TEAD4: variants seen among roughly 807,000 people sequenced by gnomAD.
TEAD4 encodes the protein TEA domain transcription factor 4.
Under a neutral mutation model 52.4 loss-of-function variants are expected in TEAD4, and 36 were observed. That is an observed-to-expected ratio of 0.69 (90% CI 0.53 to 0.91). The LOEUF (loss-of-function observed/expected upper bound fraction) is 0.91, where lower values mean the gene tolerates loss of function less well. Among genes scored for constraint, TEAD4 ranks in the 40% least tolerant of loss-of-function variants. The pLI, the probability that TEAD4 is intolerant of heterozygous loss-of-function variation, is 0.00. For missense variants in TEAD4, 508 were observed against 583.9 expected (o/e 0.87, Z 1.34); for synonymous variants, 220 against 231.0 (o/e 0.95, Z 0.43).
At chr12:3,025,069 C>T (rs577504012) in intron 10 of TEAD4, among the ~76,000 whole-genome samples, 7 of 151,980 alleles carry the variant, frequency 4.6e-5, no homozygotes, top group Non-Finnish European at 7.4e-5. Flanking sequence ...CTCAGCCTCC[C>T]GAGTAGCTGG....
chr12:3,001,824 C>G (rs1461778826), intron 3 of TEAD4, among the ~76,000 whole-genome samples: 1 of 149,764 alleles, frequency 6.7e-6, no homozygotes, highest in Non-Finnish European at 1.5e-5. Flanking sequence ...GCTCATGTGG[C>G]TTATGCCTGT....
intron 2 of TEAD4, among the ~76,000 whole-genome samples, chr12:2,978,602 C>G (rs900291713): frequency 2.6e-5 from 4 of 152,060 alleles, no homozygotes; most frequent in Admixed American, 2.6e-4. Flanking sequence ...ACAGGTTTCA[C>G]CATGTTGGCC....
chr12:2,962,327 A>AAATATAT (rs1565518203), intron 2 of TEAD4, among the ~76,000 whole-genome samples: 12 of 112,748 alleles, frequency 1.1e-4, no homozygotes, highest in African/African-American at 5.1e-4. Context: ...TATATATATA[A>AAATATAT]ATATAAATAT....
intron 3 of TEAD4, among the ~76,000 whole-genome samples, chr12:3,008,993 G>C (rs1399956726): frequency 6.6e-6 from 1 of 152,156 alleles, no homozygotes; most frequent in Admixed American, 6.5e-5. Flanking sequence ...TTACTTACTT[G>C]GGCCTAGAGC....
intron 3 of TEAD4, among the ~76,000 whole-genome samples, chr12:3,010,715 G>A (rs2098259611): frequency 6.6e-6 from 1 of 152,188 alleles, no homozygotes; most frequent in African/African-American, 2.4e-5. Context: ...CGGTACCGGG[G>A]GTCAAGGGAG....
At chr12:2,993,194 G>A (rs559782759) in intron 2 of TEAD4, among the ~76,000 whole-genome samples, 4 of 152,234 alleles carry the variant, frequency 2.6e-5, no homozygotes, top group East Asian at 3.9e-4. Flanking sequence ...ACAATGCTGC[G>A]CAGCAGGTCT....
rs113820244 is a variant in TEAD4 at position 3,018,999 on chromosome 12, G to A, written c.528-116G>A. On this transcript the variant is annotated intron_variant, in intron 7 of 12. Coordinates refer to ENST00000359864, the MANE Select transcript of TEAD4 (RefSeq NM_003213.4). ...CGGGAGTAGGAGGCCAAGGCCCATCGGGACCACTGAAATCCAGACCACCAG... is the reference window on the plus strand; with the variant it reads ...CGGGAGTAGGAGGCCAAGGCCCATCAGGACCACTGAAATCCAGACCACCAG... 3.1e-3 allele frequency: 4,118 copies of A among 1,317,806 alleles called. 90 individuals are homozygous for A. The African/African-American group carries it at 0.051, about 16-fold the overall frequency. 81.6% of individuals were successfully genotyped at this position (1,317,806 alleles called of 1,614,324 possible).
chr12:3,009,995 A>G (rs919535535), intron 3 of TEAD4, among the ~76,000 whole-genome samples: 6 of 152,216 alleles, frequency 3.9e-5, no homozygotes, highest in Non-Finnish European at 8.8e-5. Context: ...TCCCACGGAC[A>G]GCCGCAAGCC....
In TEAD4 at chr12:3,038,024, C is replaced by T. The variant is rs767728220; in HGVS notation, c.954C>T (p.Ser318=). 5.6e-6 allele frequency: 9 copies of T among 1,613,994 alleles called. No homozygotes were observed. The Admixed American group carries it at 6.7e-5, about 12-fold the overall frequency. ...GCAGCTCCTTCTATGGGGTCTCCAG[C>T]CAGTATGAGAGCCCCGAGAACATGA... Residue 318 remains serine, a synonymous_variant, in exon 11 of 13, where the codon AGC becomes AGT. Transcript: ENST00000359864.
In TEAD4 at chr12:2,994,353, G is replaced by A. The variant is rs962756255; in HGVS notation, c.-29-385G>A. Among the ~76,000 whole-genome samples, 2 of 152,216 alleles carry A rather than the reference G, an allele frequency of 1.3e-5. No homozygotes were observed. The highest frequency in any genetic ancestry group is 4.8e-5 in the African/African-American group (2 of 41,460). ...AGCCTCCCAGAGTGCTGGGATTACA[G>A]GCGTGAGCCACAGCGCCCGGCCTGT... On this transcript the variant is annotated intron_variant, in intron 2 of 12. Transcript: ENST00000359864. This position sits in a 1 kb window ranked among gnomAD's most constrained non-coding sequence, Gnocchi z 4.7.
At chr12:3,034,962 G>A (rs1035087853) in intron 10 of TEAD4, among the ~76,000 whole-genome samples, 2 of 151,860 alleles carry the variant, frequency 1.3e-5, no homozygotes, top group East Asian at 1.9e-4. Flanking sequence ...CTAGCCGAGC[G>A]TGGTGGTGGG....
chr12:2,999,076 T>G (rs2098249565), intron 3 of TEAD4, among the ~76,000 whole-genome samples: 1 of 152,154 alleles, frequency 6.6e-6, no homozygotes, highest in Non-Finnish European at 1.5e-5. Context: ...GAGCTATAGA[T>G]AGCTCTGAGC....
intron 9 of TEAD4, 28 bp from the exon 10 acceptor site, chr12:3,021,816 G>A (rs764627696): frequency 2.2e-5 from 35 of 1,608,208 alleles, no homozygotes; most frequent in East Asian, 1.8e-4. Flanking sequence ...CCTGTGCTCC[G>A]TCTCCCTCAG....
chr12:3,040,223 G>T lies in TEAD4; in HGVS notation c.1155G>T (p.Met385Ile). 6.2e-7 allele frequency: 1 copy of T among 1,614,258 alleles called. No homozygotes were observed. Among genetic ancestry groups the T allele is most frequent in the Non-Finnish European group, 8.5e-7 (1 of 1,180,050 alleles). ...TCAAGCACCTCCCTGAGAAGTACATGATGAACAGCGTGCTGGAGAACTTCA... is the reference window on the plus strand; with the variant it reads ...TCAAGCACCTCCCTGAGAAGTACATTATGAACAGCGTGCTGGAGAACTTCA... The change falls in exon 12 of 13, where the codon ATG (methionine) becomes ATT (isoleucine). Residue 385 changes from methionine to isoleucine, a missense_variant. Coordinates refer to ENST00000359864, the MANE Select transcript of TEAD4 (RefSeq NM_003213.4).
At chr12:3,019,089 C>T (rs780760135) in intron 7 of TEAD4, 26 bp from the exon 8 acceptor site, 1 of 1,613,820 alleles carries the variant, frequency 6.2e-7, no homozygotes. Flanking sequence ...CCGAGGCTGA[C>T]ACCTCCCCTC....
chr12:2,995,965 A>C (rs1167035101), intron 3 of TEAD4, among the ~76,000 whole-genome samples: 1 of 150,946 alleles, frequency 6.6e-6, no homozygotes, highest in East Asian at 1.9e-4. Flanking sequence ...CCATGAGTGC[A>C]CTGTTGCACT....
intron 2 of TEAD4, among the ~76,000 whole-genome samples, chr12:2,992,755 T>TG (rs2098244183): frequency 6.6e-6 from 1 of 151,826 alleles, no homozygotes; most frequent in South Asian, 2.1e-4. Flanking sequence ...GGGGAGAAGT[T>TG]GGGGGCTCTG....
intron 10 of TEAD4, among the ~76,000 whole-genome samples, chr12:3,032,915 C>T (rs1338243735): frequency 6.6e-6 from 1 of 152,134 alleles, no homozygotes; most frequent in East Asian, 1.9e-4. Context: ...ACAGGCTGCC[C>T]CGGCTCCCCC....
intron 10 of TEAD4, among the ~76,000 whole-genome samples, chr12:3,028,273 T>A (rs1054972960): frequency 3.3e-5 from 5 of 152,224 alleles, no homozygotes; most frequent in Non-Finnish European, 7.3e-5. Context: ...CTGTGAACAT[T>A]ACGTACCAGT....
Sources: allele counts gnomAD v4.1 joint callset (sites outside exome capture counted in the v4.1 genomes callset), GRCh38; gene constraint gnomAD v4.1.1; non-coding constraint Gnocchi (gnomAD v3.1); transcripts MANE v1.5; gene names NCBI Gene and HGNC (gene_info 2026-07-23, HGNC 2026-07-21).